The following TAFA2 variants were observed in gnomAD, a reference collection of about 807,000 sequenced individuals.
TAFA2 encodes TAFA chemokine like family member 2, also known as chemokine-like protein TAFA-2.
TAFA2 carries 7 observed loss-of-function variants against 18.8 expected under a neutral mutation model. The observed-to-expected ratio is 0.37, with a 90% confidence interval of 0.21 to 0.70. The LOEUF (loss-of-function observed/expected upper bound fraction) is 0.70, where lower values mean the gene tolerates loss of function less well. TAFA2 is among the 30% of genes least tolerant of loss of function. TAFA2 has a pLI of 0.53. For missense variants in TAFA2, 122 were observed against 158.1 expected, an observed-to-expected ratio of 0.77 and a Z score of 1.23; for synonymous variants, 60 against 54.2, an observed-to-expected ratio of 1.11 and a Z score of -0.47.
intron 4 of TAFA2, among the ~76,000 whole-genome samples, chr12:61,749,041 G>A (rs1421880311): frequency 6.6e-6 from 1 of 151,652 alleles, no homozygotes; most frequent in Non-Finnish European, 1.5e-5. Context: ...CAAGGTGGGC[G>A]GATCACTTGA....
intron 2 of TAFA2, among the ~76,000 whole-genome samples, chr12:61,823,180 TTC>T (rs539202282): frequency 1.8e-3 from 269 of 152,298 alleles, no homozygotes; most frequent in Non-Finnish European, 2.9e-3. Flanking sequence ...TGTTTCTGTT[TTC>T]TTTTTTTTGA....
intron 2 of TAFA2, among the ~76,000 whole-genome samples, chr12:61,796,859 T>C (rs1871209097): frequency 6.6e-6 from 1 of 152,094 alleles, no homozygotes; most frequent in Non-Finnish European, 1.5e-5. Context: ...TGGCATGGAG[T>C]CATGGTTAAC....
At chr12:62,081,490 G>GT (rs1008696466) in intron 1 of TAFA2, among the ~76,000 whole-genome samples, 7 of 151,522 alleles carry the variant, frequency 4.6e-5, no homozygotes, top group African/African-American at 1.7e-4. Flanking sequence ...TTGTTTGTTT[G>GT]TTTGTTTGTT....
At chr12:62,207,398 G>A (rs1445321521) in intron 1 of TAFA2, 7 of 152,064 alleles carry the variant, frequency 4.6e-5, no homozygotes, top group African/African-American at 1.7e-4. Flanking sequence ...CTAGCTACTA[G>A]AGTCCCAAGT....
chr12:61,836,756 T>TATATATATATATATATATATATATATAA (rs68158949), intron 2 of TAFA2, among the ~76,000 whole-genome samples: 2 of 119,842 alleles, frequency 1.7e-5, no homozygotes, highest in East Asian at 2.7e-4. Context: ...TATATATATA[T>TATATATATATATATATATATATATATAA]ACACACACAC....
intron 2 of TAFA2, among the ~76,000 whole-genome samples, chr12:61,831,698 ATT>A (rs532324812): frequency 6.6e-6 from 1 of 151,892 alleles, no homozygotes; most frequent in Non-Finnish European, 1.5e-5. Context: ...TTAATTTTTA[ATT>A]TTTTTTATTT....
chr12:62,046,027 G>T (rs1328596996), intron 1 of TAFA2, among the ~76,000 whole-genome samples: 1 of 152,154 alleles, frequency 6.6e-6, no homozygotes, highest in Non-Finnish European at 1.5e-5. Context: ...AAATCGGAAA[G>T]GAGGAAAACT....
At chr12:62,074,025 G>A (rs1248038569) in intron 1 of TAFA2, among the ~76,000 whole-genome samples, 1 of 152,224 alleles carries the variant, frequency 6.6e-6, no homozygotes, top group African/African-American at 2.4e-5. Context: ...GTACAAACTT[G>A]CTTCCAGTTT....
At chr12:61,809,136 G>T (rs1404622577) in intron 2 of TAFA2, among the ~76,000 whole-genome samples, 1 of 151,526 alleles carries the variant, frequency 6.6e-6, no homozygotes, top group Non-Finnish European at 1.5e-5. Flanking sequence ...ATAAAACAAT[G>T]CCTATAAATG....
Position 62,080,791 on chromosome 12 carries a change from G to T in TAFA2, c.-2+110468C>A, listed in dbSNP as rs190359442. Among the ~76,000 whole-genome samples, 35 of 152,216 alleles carry T rather than the reference G, an allele frequency of 2.3e-4. 1 individual carries two copies. The highest frequency in any genetic ancestry group is 1.5e-3 in the Admixed American group (23 of 15,294). On this transcript the variant is annotated intron_variant, in intron 1 of 4. Transcript: ENST00000416284. ...ACAAGGTGACGGAAATGAAAAAAAT[G>T]GTCTCAACTTATCTTTCTGTTAATG...
chr12:61,753,188 T>C (rs1869099892), intron 4 of TAFA2, among the ~76,000 whole-genome samples: 1 of 152,046 alleles, frequency 6.6e-6, no homozygotes, highest in African/African-American at 2.4e-5. Context: ...GAGATCAAAA[T>C]AATTACTTTC....
intron 1 of TAFA2, among the ~76,000 whole-genome samples, chr12:62,040,691 C>G (rs1881733416): frequency 1.3e-5 from 2 of 152,058 alleles, no homozygotes; most frequent in African/African-American, 2.4e-5. Context: ...TTCAGCCACC[C>G]CACTTCTGGT....
intron 1 of TAFA2, among the ~76,000 whole-genome samples, chr12:62,138,406 A>G (rs2062215152): frequency 6.6e-6 from 1 of 152,194 alleles, no homozygotes; most frequent in African/African-American, 2.4e-5. Context: ...TAGCACTCAT[A>G]TGCTTATGTT....
rs545887219 is a variant in TAFA2, at chr12:61,988,826, G to C, written c.-1-121400C>G. ...TCTGTGATGAGTGCTACAGGATGTG[G>C]GAGCCTAAGTTTTTAATTGATGTCA... On this transcript the variant is annotated intron_variant, in intron 1 of 4. Coordinates refer to ENST00000416284, the MANE Select transcript of TAFA2 (RefSeq NM_178539.5). Among the ~76,000 whole-genome samples the C allele has an allele frequency of 2.6e-5, 4 of 152,138 alleles. No homozygotes were observed. The South Asian group carries it at 8.3e-4, about 32-fold the overall frequency.
At chr12:62,159,000 T>C (rs1270228420) in intron 1 of TAFA2, among the ~76,000 whole-genome samples, 1 of 152,200 alleles carries the variant, frequency 6.6e-6, no homozygotes, top group African/African-American at 2.4e-5. Context: ...TTACAGATTA[T>C]ACAGGTATGA....
chr12:62,119,023 A>T (rs556198638), intron 1 of TAFA2, among the ~76,000 whole-genome samples: 1 of 152,264 alleles, frequency 6.6e-6, no homozygotes, highest in South Asian at 2.1e-4. Flanking sequence ...TCCTAGACCT[A>T]AAAACCATTC....
In TAFA2 at chr12:62,141,985, C is replaced by T. The variant is rs2062243828; in HGVS notation, c.-2+49274G>A. 3.3e-5 allele frequency among the ~76,000 whole-genome samples: 5 copies of T among 152,304 alleles called. No individual in the cohort carries two copies. In the South Asian group the frequency reaches 8.3e-4, roughly 25 times the overall value. ...TTGTTTCTGTAAGTATTAACAACCACGTATTGAGTGCCCACTAATGCCAGG... is the reference window on the plus strand; with the variant it reads ...TTGTTTCTGTAAGTATTAACAACCATGTATTGAGTGCCCACTAATGCCAGG... On this transcript the variant is annotated intron_variant, in intron 1 of 4. Coordinates refer to ENST00000416284, the MANE Select transcript of TAFA2 (RefSeq NM_178539.5).
intron 2 of TAFA2, among the ~76,000 whole-genome samples, chr12:61,763,685 T>G (rs1408241706): frequency 1.3e-5 from 2 of 151,868 alleles, no homozygotes; most frequent in Non-Finnish European, 2.9e-5. Flanking sequence ...AAAGTATGTC[T>G]GGTATCAGGA....
chr12:62,237,195 G>A (rs1425104774), intron 1 of TAFA2, among the ~76,000 whole-genome samples: 1 of 152,146 alleles, frequency 6.6e-6, no homozygotes, highest in East Asian at 1.9e-4. Flanking sequence ...TTTTAGCTCA[G>A]TAATTCTTTT....
Sources: allele counts gnomAD v4.1 joint callset (sites outside exome capture counted in the v4.1 genomes callset), GRCh38; gene constraint gnomAD v4.1.1; transcripts MANE v1.5; gene names NCBI Gene and HGNC (gene_info 2026-07-23, HGNC 2026-07-21).